The following FAM184B variants were observed in gnomAD, a reference collection of about 807,000 sequenced individuals.
The protein encoded by FAM184B is protein FAM184B.
Under a neutral mutation model 135.9 loss-of-function variants are expected in FAM184B, and 111 were observed. The observed-to-expected ratio is 0.82, with a 90% CI of 0.70 to 0.96. FAM184B has a LOEUF of 0.96. FAM184B is among the 40% of genes least tolerant of loss of function. The pLI is 0.00. For missense variants in FAM184B, 1,375 were observed against 1,323.9 expected (o/e 1.04, Z -0.60); for synonymous variants, 552 against 524.8 (o/e 1.05, Z -0.71).
chr4:17,747,324 G>T (rs909948694), intron 1 of FAM184B, among the ~76,000 whole-genome samples: 2 of 152,106 alleles, frequency 1.3e-5, no homozygotes, highest in African/African-American at 4.8e-5. Flanking sequence ...AGTTGAGGGG[G>T]TGTGGGGTTG....
chr4:17,678,210 C>A (rs1194971095), intron 7 of FAM184B, among the ~76,000 whole-genome samples: 1 of 152,090 alleles, frequency 6.6e-6, no homozygotes, highest in Non-Finnish European at 1.5e-5. Context: ...GCATCCAAAT[C>A]AGTAAAGAGG....
chr4:17,666,955 GTT>G (rs1716071070), intron 7 of FAM184B, among the ~76,000 whole-genome samples: 1 of 150,290 alleles, frequency 6.7e-6, no homozygotes, highest in East Asian at 2.0e-4. Context: ...TTGTTTTTTT[GTT>G]TTTTTGTTTT....
At chr4:17,659,771 C>T (rs1247112525) in intron 9 of FAM184B, among the ~76,000 whole-genome samples, 187 bp downstream of exon 9, 1 of 152,174 alleles carries the variant, frequency 6.6e-6, no homozygotes, top group East Asian at 1.9e-4. Context: ...CAGGCGTGAG[C>T]CACCGTGCCT....
chr4:17,759,763 TG>T (rs1169931873), intron 1 of FAM184B, among the ~76,000 whole-genome samples: 1 of 152,174 alleles, frequency 6.6e-6, no homozygotes, highest in Admixed American at 6.5e-5. Flanking sequence ...CCCAAAGTAC[TG>T]GGTTTACAGG....
At chr4:17,686,346 G>A (rs1030942844) in intron 7 of FAM184B, among the ~76,000 whole-genome samples, 6 of 152,238 alleles carry the variant, frequency 3.9e-5, no homozygotes, top group African/African-American at 1.2e-4. Flanking sequence ...CTTTAGGCTT[G>A]TCCTCCAGGC....
chr4:17,715,805 A>G (rs149360706), intron 1 of FAM184B, among the ~76,000 whole-genome samples: 1 of 152,280 alleles, frequency 6.6e-6, no homozygotes, highest in African/African-American at 2.4e-5. Context: ...TTCTTATTTT[A>G]ATTTTTGGCT....
chr4:17,739,609 A>G, intron 1 of FAM184B, among the ~76,000 whole-genome samples: 1 of 115,290 alleles, frequency 8.7e-6, no homozygotes, highest in Non-Finnish European at 1.6e-5. Context: ...GCTGGAGTGC[A>G]GTGGCGCCAT....
chr4:17,675,693 G>T (rs1027359238), intron 7 of FAM184B, among the ~76,000 whole-genome samples: 2 of 152,152 alleles, frequency 1.3e-5, no homozygotes, highest in African/African-American at 4.8e-5. Context: ...AATGATCTTA[G>T]CTAGATCTTC....
chr4:17,738,631 T>TA (rs113073377), intron 1 of FAM184B, among the ~76,000 whole-genome samples: 56 of 151,554 alleles, frequency 3.7e-4, no homozygotes, highest in African/African-American at 8.7e-4. Context: ...TGTCTGACTG[T>TA]AAAAAAAAAT....
At chr4:17,680,447 A>T (rs1350698222) in intron 7 of FAM184B, among the ~76,000 whole-genome samples, 1 of 152,172 alleles carries the variant, frequency 6.6e-6, no homozygotes, top group African/African-American at 2.4e-5. Flanking sequence ...ATGTAACCAG[A>T]CACCACCTGT....
At chr4:17,722,899 G>A (rs1347797792) in intron 1 of FAM184B, among the ~76,000 whole-genome samples, 2 of 152,120 alleles carry the variant, frequency 1.3e-5, no homozygotes, top group Non-Finnish European at 2.9e-5. Flanking sequence ...CTTTTCATAG[G>A]AAATATTATG....
chr4:17,641,642 C>CTTTTTTTTTTT (rs1560165284), intron 13 of FAM184B, among the ~76,000 whole-genome samples: 11 of 34,454 alleles, frequency 3.2e-4, no homozygotes, highest in Middle Eastern at 0.024. Flanking sequence ...CCACGCCCGG[C>CTTTTTTTTTTT]CTTTTTTTTT....
At position 17,709,212 on chromosome 4, in the gene FAM184B, C is replaced by G; in HGVS notation, c.574G>C (p.Glu192Gln). 1 of 1,547,868 alleles carries G rather than the reference C, an allele frequency of 6.5e-7. No homozygotes were observed. The highest frequency in any genetic ancestry group is 1.2e-5 in the South Asian group (1 of 83,844). ...ACCTCTAGCAGGACCTCCTGCATCT[C>G]CGGGCCCTGGCCTGGCTCCGACTTG... ...ETKSEPGQGP[E>Q]MQEVLLEVQR... Residue 192 changes from glutamate to glutamine, a missense_variant, in exon 2 of 18, where the codon GAG becomes CAG. By Grantham distance (29) the Glu-to-Gln change is conservative. Transcript: ENST00000265018.
intron 5 of FAM184B, among the ~76,000 whole-genome samples, chr4:17,696,068 T>C (rs1401895940): frequency 6.6e-6 from 1 of 152,192 alleles, no homozygotes; most frequent in Non-Finnish European, 1.5e-5. Flanking sequence ...CTAATGGACA[T>C]GATAACAGTA....
At chr4:17,764,804 C>T (rs556997425) in intron 1 of FAM184B, among the ~76,000 whole-genome samples, 2 of 152,292 alleles carry the variant, frequency 1.3e-5, no homozygotes, top group Non-Finnish European at 2.9e-5. Flanking sequence ...GTGGCTCACG[C>T]CTGTAATCTC....
At chr4:17,635,223 G>A (rs755335607) in intron 15 of FAM184B, 110 bp from the exon 16 acceptor site, 4 of 813,574 alleles carry the variant, frequency 4.9e-6, no homozygotes, top group Non-Finnish European at 7.8e-6. Context: ...TCCAGGGGAG[G>A]AAGGGGAAGT....
intron 10 of FAM184B, 120 bp from the exon 11 acceptor site, chr4:17,653,103 G>T: frequency 1.1e-6 from 1 of 949,062 alleles, no homozygotes; most frequent in Non-Finnish European, 1.6e-6. Context: ...CCCATGGAGG[G>T]CTTATCAGGC....
intron 7 of FAM184B, among the ~76,000 whole-genome samples, chr4:17,686,361 A>G (rs1358816657): frequency 1.3e-5 from 2 of 152,212 alleles, no homozygotes; most frequent in African/African-American, 2.4e-5. Flanking sequence ...CCAGGCTTAC[A>G]TGGGGGCAAC....
At chr4:17,769,873 A>G (rs116655671) in intron 1 of FAM184B, among the ~76,000 whole-genome samples, 277 of 152,284 alleles carry the variant, frequency 1.8e-3, no homozygotes, top group African/African-American at 6.3e-3. Flanking sequence ...AGAAATCCCT[A>G]CCCTTAGGCA....
Sources: allele counts gnomAD v4.1 joint callset (sites outside exome capture counted in the v4.1 genomes callset), GRCh38; gene constraint gnomAD v4.1.1; transcripts MANE v1.5; gene names NCBI Gene and HGNC (gene_info 2026-07-23, HGNC 2026-07-21).